Variants in IL18 observed in about 807,000 individuals in gnomAD.
IL18 encodes the protein interleukin-18.
In IL18, 8 loss-of-function variants were observed where a neutral mutation model predicts 14.2. That is an observed-to-expected ratio of 0.56 (90% confidence interval 0.33 to 1.01). The LOEUF (loss-of-function observed/expected upper bound fraction) is 1.01. IL18 is among the 50% of genes least tolerant of loss of function. IL18 has a pLI of 0.03. For synonymous variants in IL18, 67 were observed against 71.0 expected, an observed-to-expected ratio of 0.94 and a Z score of 0.28; for missense variants, 166 against 231.1, an observed-to-expected ratio of 0.72 and a Z score of 1.83.
chr11:112,162,797 T>C (rs1410575736), intron 1 of IL18, among the ~76,000 whole-genome samples: 2 of 152,222 alleles, frequency 1.3e-5, no homozygotes, highest in Non-Finnish European at 2.9e-5. Flanking sequence ...AAAGTTATTT[T>C]GAAGGAAGTT....
At position 112,143,438 on chromosome 11, in the gene IL18, A is replaced by C. The variant is rs188135917; in HGVS notation, c.*158T>G. 2.3e-5 allele frequency: 13 copies of C among 558,632 alleles called. No individual in the cohort carries two copies. In the African/African-American group the frequency reaches 2.5e-4, roughly 11 times the overall value. 34.6% of individuals were successfully genotyped at this position (558,632 alleles called of 1,614,324 possible). A position where few individuals can be genotyped will look rare whatever the true frequency, so the allele number is the denominator to read the frequency against. On this transcript the variant is annotated 3_prime_UTR_variant, in exon 6 of 6. Transcript: ENST00000280357. ...TGGGATTGAGGGCATGCGTCACTACACTCAGCTAATTTTTTGTATTTTTAG... is the reference window on the plus strand; with the variant it reads ...TGGGATTGAGGGCATGCGTCACTACCCTCAGCTAATTTTTTGTATTTTTAG...
At chr11:112,150,760 CAGTT>C (rs1866424049) in intron 3 of IL18, 1 of 152,750 alleles carries the variant, frequency 6.5e-6, no homozygotes, top group African/African-American at 2.4e-5. Context: ...TTTTGTTTTC[CAGTT>C]CAGCACTCTC....
At position 112,143,528 on chromosome 11, in the gene IL18, C is replaced by T. The variant is rs199924253; in HGVS notation, c.*68G>A. On this transcript the variant is annotated 3_prime_UTR_variant, in exon 6 of 6. Transcript: ENST00000280357. Reference sequence around the variant, plus strand: ...AACACCTGACCTCTGGTGATCTGCCCGCCTCAGCCTCCCAAAGGGCTGGGA... The same window carrying T: ...AACACCTGACCTCTGGTGATCTGCCTGCCTCAGCCTCCCAAAGGGCTGGGA... 8.3e-5 allele frequency: 84 copies of T among 1,016,436 alleles called. No homozygotes were observed. The highest frequency in any genetic ancestry group is 8.1e-4 in the South Asian group (56 of 68,726). The allele number at this position is 1,016,436 out of a possible 1,614,324, so 63.0% of individuals were successfully genotyped here.
At chr11:112,157,926 C>T (rs1056749255) in intron 1 of IL18, among the ~76,000 whole-genome samples, 2 of 152,192 alleles carry the variant, frequency 1.3e-5, no homozygotes, top group Admixed American at 1.3e-4. Flanking sequence ...GGCACGATCT[C>T]GGCTCACTGC....
intron 3 of IL18, 54 bp from the exon 4 acceptor site, chr11:112,150,260 CAAAT>C: frequency 8.4e-7 from 1 of 1,191,118 alleles, no homozygotes; most frequent in East Asian, 2.4e-5. Flanking sequence ...TGTTAATTGA[CAAAT>C]AAGTATGCTA....
chr11:112,145,277 T>C (rs5744283), intron 5 of IL18, among the ~76,000 whole-genome samples: 4,698 of 152,294 alleles, frequency 0.031, 243 homozygotes, highest in African/African-American at 0.1. Context: ...AGTTCCCCTA[T>C]TGGCACCCAC....
chr11:112,145,525 T>G (rs1440058943), intron 5 of IL18, among the ~76,000 whole-genome samples: 3 of 151,898 alleles, frequency 2.0e-5, no homozygotes, highest in Admixed American at 1.3e-4. Flanking sequence ...GGATCACAAG[T>G]TCAGGAGATC....
intron 1 of IL18, among the ~76,000 whole-genome samples, chr11:112,156,599 A>C (rs1446922950): frequency 6.6e-6 from 1 of 151,860 alleles, no homozygotes; most frequent in Non-Finnish European, 1.5e-5. Flanking sequence ...GCGTGCCACC[A>C]CACCCAGATA....
chr11:112,153,504 T>C (rs568733995), intron 3 of IL18, 88 bp downstream of exon 3: 3 of 854,648 alleles, frequency 3.5e-6, no homozygotes, highest in Non-Finnish European at 3.5e-6. Flanking sequence ...GAACCATTTT[T>C]TTTTTTCCTC....
chr11:112,155,034 TCTA>T lies in IL18; in HGVS notation c.17_19del (p.Val6del). 1 of 1,612,504 alleles carries T rather than the reference TCTA, an allele frequency of 6.2e-7. No homozygotes were observed. Among genetic ancestry groups the T allele is most frequent in the Non-Finnish European group, 8.5e-7 (1 of 1,178,654 alleles). ...TGCCACAAAGTTGATGCAATTGTCT[TCTA>T]CTGGTTCAGCAGCCATCTTTATTCC... On this transcript the variant is annotated inframe_deletion, in exon 2 of 6. Coordinates refer to ENST00000280357, the MANE Select transcript of IL18 (RefSeq NM_001562.4).
chr11:112,152,152 C>T (rs185541992), intron 3 of IL18, among the ~76,000 whole-genome samples: 20 of 152,310 alleles, frequency 1.3e-4, no homozygotes, highest in Non-Finnish European at 2.2e-4. Flanking sequence ...CCATCCTCCT[C>T]TTTGTATACA....
chr11:112,146,360 G>A (rs554474760), intron 5 of IL18, among the ~76,000 whole-genome samples: 19 of 152,076 alleles, frequency 1.2e-4, no homozygotes, highest in South Asian at 4.2e-4. Flanking sequence ...TCATTCTGTC[G>A]CCCAGGCTGG....
Position 112,143,446 on chromosome 11 carries a change from A to G in IL18, c.*150T>C, listed in dbSNP as rs375987360. On this transcript the variant is annotated 3_prime_UTR_variant, in exon 6 of 6. Transcript: ENST00000280357. ...AGGGCATGCGTCACTACACTCAGCT[A>G]ATTTTTTGTATTTTTAGTAGAGATG... is the stretch of plus-strand genomic sequence containing the variant. The G allele has an allele frequency of 5.3e-5, 30 of 564,118 alleles. 1 individual carries two copies. Among genetic ancestry groups the G allele is most frequent in the East Asian group, 4.5e-4 (15 of 33,156 alleles). The allele number at this position is 564,118 out of a possible 1,614,324, so 34.9% of individuals were successfully genotyped here.
At chr11:112,146,137 C>A (rs539301206) in intron 5 of IL18, among the ~76,000 whole-genome samples, 91 of 151,360 alleles carry the variant, frequency 6.0e-4, no homozygotes, top group Non-Finnish European at 1.1e-3. Context: ...TCTGAGGGAA[C>A]CCTGGCCAAG....
At chr11:112,153,570 A>G in intron 3 of IL18, 22 bp downstream of exon 3, 6 of 1,524,574 alleles carry the variant, frequency 3.9e-6, no homozygotes, top group Non-Finnish European at 5.4e-6. Flanking sequence ...TGCAAAGAAA[A>G]ATAAATTCAT....
intron 3 of IL18, chr11:112,153,117 T>G (rs1427695350): frequency 6.5e-6 from 1 of 154,168 alleles, no homozygotes; most frequent in African/African-American, 2.4e-5. Flanking sequence ...CTGAATGTGG[T>G]CTTCTTGCCC....
At chr11:112,162,971 T>C (rs1866660227) in intron 1 of IL18, among the ~76,000 whole-genome samples, 1 of 152,130 alleles carries the variant, frequency 6.6e-6, no homozygotes, top group South Asian at 2.1e-4. Flanking sequence ...TTGTAGAGAC[T>C]GTGTTGCCCT....
intron 5 of IL18, among the ~76,000 whole-genome samples, chr11:112,147,105 T>C (rs1156969441): frequency 1.3e-5 from 2 of 151,918 alleles, no homozygotes; most frequent in Non-Finnish European, 2.9e-5. Context: ...TAATTTTGTA[T>C]TTTTAGTAGA....
intron 1 of IL18, among the ~76,000 whole-genome samples, chr11:112,156,591 G>A (rs1241188203): frequency 2.6e-5 from 4 of 151,784 alleles, no homozygotes; most frequent in East Asian, 3.9e-4. Flanking sequence ...CCACAGATGC[G>A]TGCCACCACA....
Sources: gnomAD v4.1 joint callset for allele counts (sites outside exome capture counted in the v4.1 genomes callset) on GRCh38, gnomAD v4.1.1 for gene constraint, MANE v1.5 for transcripts, NCBI Gene and HGNC (gene_info 2026-07-23, HGNC 2026-07-21) for gene names.